Variants in CFAP20DC observed in about 807,000 individuals in gnomAD.
CFAP20DC encodes CFAP20 domain containing, also known as protein CFAP20DC.
CFAP20DC carries 84 observed loss-of-function variants against 101.7 expected under a neutral mutation model. The ratio of observed to expected loss-of-function variants is 0.83; its 90% CI spans 0.69 to 0.99. The LOEUF (loss-of-function observed/expected upper bound fraction) is 0.99, where lower values mean the gene tolerates loss of function less well. Ranked by LOEUF, CFAP20DC falls within the 50% of genes least tolerant of loss-of-function variation. The probability of loss-of-function intolerance (pLI) is 0.00; values close to 1 mark genes in which losing one functional copy is unlikely to be tolerated. For missense variants in CFAP20DC, 1,007 were observed against 970.3 expected (o/e 1.04, Z -0.50); for synonymous variants, 359 against 351.2 (o/e 1.02, Z -0.25).
intron 12 of CFAP20DC, among the ~76,000 whole-genome samples, chr3:58,851,071 C>G (rs367564929): frequency 6.6e-6 from 1 of 152,102 alleles, no homozygotes. Context: ...TTCCTTTCTT[C>G]TTCATCACGG....
At chr3:58,808,806 T>A (rs896243254) in intron 14 of CFAP20DC, among the ~76,000 whole-genome samples, 3 of 152,090 alleles carry the variant, frequency 2.0e-5, no homozygotes, top group African/African-American at 7.2e-5. Context: ...CAGTGTGCTG[T>A]ATTCAGGAAA....
chr3:58,953,151 C>T (rs2090304431), intron 4 of CFAP20DC, among the ~76,000 whole-genome samples: 3 of 151,948 alleles, frequency 2.0e-5, no homozygotes, highest in African/African-American at 2.4e-5. Context: ...CTGAGTTGAG[C>T]GAAGTAGAGG....
chr3:58,815,494 C>G (rs2075043570), intron 14 of CFAP20DC, among the ~76,000 whole-genome samples: 2 of 149,874 alleles, frequency 1.3e-5, no homozygotes, highest in African/African-American at 2.5e-5. Context: ...CAACAAAAGC[C>G]AAAATTGACA....
chr3:58,930,882 C>A (rs984028075), intron 5 of CFAP20DC, among the ~76,000 whole-genome samples: 1 of 152,100 alleles, frequency 6.6e-6, no homozygotes, highest in Non-Finnish European at 1.5e-5. Flanking sequence ...CCTGAGGTAC[C>A]GGGTTCATCT....
At chr3:58,884,315 T>G (rs1306520297) in intron 7 of CFAP20DC, among the ~76,000 whole-genome samples, 4 of 152,234 alleles carry the variant, frequency 2.6e-5, no homozygotes, top group African/African-American at 9.6e-5. Flanking sequence ...TGAAAATATT[T>G]CTATGTGTCA....
chr3:58,746,141 GT>G (rs1222918400), intron 16 of CFAP20DC, among the ~76,000 whole-genome samples: 1 of 152,048 alleles, frequency 6.6e-6, no homozygotes, highest in Non-Finnish European at 1.5e-5. Flanking sequence ...CCCCCAATTA[GT>G]TTTATATAGA....
chr3:58,719,915 C>T (rs2067447416), intron 3 of CFAP20DC, among the ~76,000 whole-genome samples: 2 of 152,252 alleles, frequency 1.3e-5, no homozygotes, highest in Admixed American at 1.3e-4. Context: ...ACAAGCCAAA[C>T]ACAGTCCATC....
At chr3:58,885,343 CTT>C (rs2081539062) in intron 6 of CFAP20DC, among the ~76,000 whole-genome samples, 2 of 151,822 alleles carry the variant, frequency 1.3e-5, no homozygotes, top group African/African-American at 4.8e-5. Flanking sequence ...TTAATTGTCT[CTT>C]AAAAATTGCT....
At chr3:58,786,214 C>T (rs2107603801) in intron 15 of CFAP20DC, among the ~76,000 whole-genome samples, 1 of 152,230 alleles carries the variant, frequency 6.6e-6, no homozygotes, top group Non-Finnish European at 1.5e-5. Flanking sequence ...ATTATATTTC[C>T]TCCGTGGTGA....
At chr3:58,796,915 A>G (rs2073296039) in intron 15 of CFAP20DC, among the ~76,000 whole-genome samples, 1 of 152,164 alleles carries the variant, frequency 6.6e-6, no homozygotes, top group Non-Finnish European at 1.5e-5. Context: ...TTACTATCAA[A>G]TTGTTTTGGG....
At chr3:58,789,322 G>A (rs1163783263) in intron 15 of CFAP20DC, among the ~76,000 whole-genome samples, 1 of 152,146 alleles carries the variant, frequency 6.6e-6, no homozygotes, top group Non-Finnish European at 1.5e-5. Context: ...ACTTAATGGT[G>A]CAGAAAGAGT....
At chr3:59,029,734 C>T (rs907767284) in intron 4 of CFAP20DC, among the ~76,000 whole-genome samples, 8 of 152,040 alleles carry the variant, frequency 5.3e-5, no homozygotes, top group African/African-American at 1.9e-4. Flanking sequence ...TGAAAGAGGA[C>T]AAGAGAAGAA....
chr3:58,973,925 G>A (rs1394636134), intron 4 of CFAP20DC, among the ~76,000 whole-genome samples: 1 of 152,100 alleles, frequency 6.6e-6, no homozygotes, highest in Non-Finnish European at 1.5e-5. Context: ...CTCTCATCCT[G>A]TCTTCTGATC....
intron 6 of CFAP20DC, among the ~76,000 whole-genome samples, chr3:58,906,922 C>T (rs2083648764): frequency 6.6e-6 from 1 of 152,104 alleles, no homozygotes; most frequent in Non-Finnish European, 1.5e-5. Context: ...GAGTGAGATC[C>T]TCTCAAAAAC....
intron 15 of CFAP20DC, among the ~76,000 whole-genome samples, chr3:58,764,534 C>A (rs2070074234): frequency 6.6e-6 from 1 of 152,166 alleles, no homozygotes; most frequent in African/African-American, 2.4e-5. Flanking sequence ...GTGTACTGCA[C>A]CCACTGTCCG....
At chr3:58,759,158 T>G (rs1282599562) in intron 15 of CFAP20DC, among the ~76,000 whole-genome samples, 38 of 152,024 alleles carry the variant, frequency 2.5e-4, no homozygotes, top group Admixed American at 1.2e-3. Context: ...CCACCAACAG[T>G]GTAAAAGTGT....
At chr3:58,761,678 C>G (rs2069615617) in intron 15 of CFAP20DC, among the ~76,000 whole-genome samples, 1 of 152,170 alleles carries the variant, frequency 6.6e-6, no homozygotes, top group Non-Finnish European at 1.5e-5. Context: ...GCATTTAGTG[C>G]TATAAATTTC....
At chr3:58,738,514 T>C (rs1559529579), downstream of CFAP20DC, among the ~76,000 whole-genome samples, 1 of 152,280 alleles carries the variant, frequency 6.6e-6, no homozygotes, top group Non-Finnish European at 1.5e-5. The surrounding 1 kb of genome is among the most constrained non-coding windows in gnomAD (Gnocchi z 4.4). Context: ...GCAAAGGGCA[T>C]GATCTCCTTC....
intron 7 of CFAP20DC, among the ~76,000 whole-genome samples, chr3:58,872,253 G>A (rs992305808): frequency 6.6e-5 from 10 of 152,118 alleles, no homozygotes; most frequent in Non-Finnish European, 1.5e-4. Flanking sequence ...TAAGCTACTG[G>A]CCACTTCCTG....
Sources: gnomAD v4.1 joint callset for allele counts (sites outside exome capture counted in the v4.1 genomes callset) on GRCh38, gnomAD v4.1.1 for gene constraint, Gnocchi (gnomAD v3.1) non-coding constraint, MANE v1.5 for transcripts, NCBI Gene and HGNC (gene_info 2026-07-23, HGNC 2026-07-21) for gene names.